C1orf21: variants seen among roughly 807,000 people sequenced by gnomAD.
C1orf21 encodes uncharacterized protein C1orf21.
Under a neutral mutation model 18.7 loss-of-function variants are expected in C1orf21, and 3 were observed. The ratio of observed to expected loss-of-function variants is 0.16; its 90% CI spans 0.07 to 0.42. The LOEUF (loss-of-function observed/expected upper bound fraction) is 0.42, where lower values mean the gene tolerates loss of function less well. C1orf21 is among the 10% of genes least tolerant of loss of function. The probability of loss-of-function intolerance (pLI) is 0.99; values close to 1 mark genes in which losing one functional copy is unlikely to be tolerated. For missense variants in C1orf21, 104 were observed against 143.6 expected, an observed-to-expected ratio of 0.72 and a Z score of 1.41; for synonymous variants, 41 against 46.4, an observed-to-expected ratio of 0.88 and a Z score of 0.47.
At chr1:184,571,296 CAAAAA>C (rs66868646) in intron 3 of C1orf21, among the ~76,000 whole-genome samples, 30 of 85,570 alleles carry the variant, frequency 3.5e-4, no homozygotes, top group African/African-American at 7.4e-4. Context: ...GACTCCGTCT[CAAAAA>C]AAAAAAAAAA....
At chr1:184,392,119 T>A (rs1655978781) in intron 1 of C1orf21, among the ~76,000 whole-genome samples, 2 of 152,268 alleles carry the variant, frequency 1.3e-5, no homozygotes, top group African/African-American at 2.4e-5. Context: ...TTCATCTTAT[T>A]TGCCTCAGGG....
chr1:184,567,570 A>T (rs186852709), intron 3 of C1orf21: 1 of 483,888 alleles, frequency 2.1e-6, no homozygotes, highest in East Asian at 5.4e-5. Context: ...CTCCCTCTGG[A>T]TCAGCTACAT....
intron 4 of C1orf21, among the ~76,000 whole-genome samples, chr1:184,594,153 G>A (rs1199593764): frequency 6.6e-6 from 1 of 152,170 alleles, no homozygotes; most frequent in Non-Finnish European, 1.5e-5. Context: ...ATAAAAGTGA[G>A]CTATGCATGA....
intron 3 of C1orf21, among the ~76,000 whole-genome samples, chr1:184,515,987 A>G (rs1313864401): frequency 6.6e-6 from 1 of 151,942 alleles, no homozygotes; most frequent in Non-Finnish European, 1.5e-5. Context: ...TAATTTTTGT[A>G]TTTTTAGTAG....
chr1:184,491,968 T>C (rs1657822464), intron 2 of C1orf21, among the ~76,000 whole-genome samples: 1 of 152,232 alleles, frequency 6.6e-6, no homozygotes, highest in African/African-American at 2.4e-5. Flanking sequence ...AGAAGCATGA[T>C]GCAGAGTTTG....
chr1:184,582,590 A>G (rs1235080508), intron 3 of C1orf21, among the ~76,000 whole-genome samples: 1 of 152,202 alleles, frequency 6.6e-6, no homozygotes, highest in East Asian at 1.9e-4. Context: ...CAGACTTCCT[A>G]TTGCTGAACC....
intron 3 of C1orf21, among the ~76,000 whole-genome samples, chr1:184,560,589 T>A (rs1440877590): frequency 1.3e-5 from 2 of 152,156 alleles, no homozygotes; most frequent in African/African-American, 4.8e-5. Context: ...GCTGAAAGAA[T>A]CATTGTTAGG....
intron 1 of C1orf21, among the ~76,000 whole-genome samples, chr1:184,401,270 G>A (rs1239263677): frequency 6.6e-6 from 1 of 151,830 alleles, no homozygotes; most frequent in Non-Finnish European, 1.5e-5. Flanking sequence ...GCCCAGGCTG[G>A]AGTGCAGTGG....
At chr1:184,549,245 T>C (rs558187194) in intron 3 of C1orf21, among the ~76,000 whole-genome samples, 4 of 152,168 alleles carry the variant, frequency 2.6e-5, no homozygotes, top group Non-Finnish European at 5.9e-5. Flanking sequence ...AGTGATGATT[T>C]TGGTGAAGTG....
chr1:184,568,358 C>A (rs1659063396), intron 3 of C1orf21: 1 of 455,516 alleles, frequency 2.2e-6, no homozygotes, highest in Non-Finnish European at 4.5e-6. Context: ...AAACTTTGTA[C>A]CCATTAAACA....
chr1:184,425,469 C>T (rs1656621319), intron 1 of C1orf21, among the ~76,000 whole-genome samples: 1 of 151,880 alleles, frequency 6.6e-6, no homozygotes, highest in Non-Finnish European at 1.5e-5. Flanking sequence ...TCTGTGGTAC[C>T]CAGGCTGATT....
At chr1:184,389,644 C>G (rs1204504891) in intron 1 of C1orf21, among the ~76,000 whole-genome samples, 2 of 152,192 alleles carry the variant, frequency 1.3e-5, no homozygotes, top group Admixed American at 1.3e-4. Flanking sequence ...ATTATAATTT[C>G]CAAGTGAATC....
At chr1:184,483,322 G>C (rs1657683728) in intron 2 of C1orf21, among the ~76,000 whole-genome samples, 1 of 152,228 alleles carries the variant, frequency 6.6e-6, no homozygotes, top group Non-Finnish European at 1.5e-5. Flanking sequence ...AGAAGGCCAA[G>C]TGCTTATTGG....
At chr1:184,512,972 G>A (rs553327520) in intron 3 of C1orf21, among the ~76,000 whole-genome samples, 39 of 152,340 alleles carry the variant, frequency 2.6e-4, no homozygotes, top group African/African-American at 8.4e-4. Flanking sequence ...GATTCTCATA[G>A]GAGAACAAGC....
chr1:184,457,995 A>G (rs981896849), intron 1 of C1orf21, among the ~76,000 whole-genome samples: 1 of 152,210 alleles, frequency 6.6e-6, no homozygotes, highest in African/African-American at 2.4e-5. Flanking sequence ...TGTAAGGTAG[A>G]TAGTATTATA....
At chr1:184,590,884 T>A (rs41263672) in intron 4 of C1orf21, 69 bp downstream of exon 4, 2 of 1,334,638 alleles carry the variant, frequency 1.5e-6, no homozygotes, top group African/African-American at 2.9e-5. Context: ...ATCTGTGGAT[T>A]CAACTACCCA....
intron 1 of C1orf21, among the ~76,000 whole-genome samples, chr1:184,410,608 CCATATATATTATATA>C (rs1557964851): frequency 3.7e-5 from 2 of 53,976 alleles, no homozygotes; most frequent in Non-Finnish European, 5.7e-5. Context: ...GATTAATTTG[CCATATATATTATATA>C]TATATATATA....
chr1:184,421,884 C>CTA (rs72556487), intron 1 of C1orf21, among the ~76,000 whole-genome samples: 19,539 of 152,080 alleles, frequency 0.13, 2,545 homozygotes, highest in African/African-American at 0.34. Flanking sequence ...TGACCATTGT[C>CTA]TATGGTGCTT....
intron 1 of C1orf21, among the ~76,000 whole-genome samples, chr1:184,423,878 C>CATCCATCG (rs1005675719): frequency 2.6e-5 from 4 of 152,000 alleles, no homozygotes; most frequent in African/African-American, 9.7e-5. Flanking sequence ...TCCATCCATC[C>CATCCATCG]ATCCATCCAT....
Sources: allele counts gnomAD v4.1 joint callset (sites outside exome capture counted in the v4.1 genomes callset), GRCh38; gene constraint gnomAD v4.1.1; transcripts MANE v1.5; gene names NCBI Gene and HGNC (gene_info 2026-07-23, HGNC 2026-07-21).